The following ZBTB16 variants were observed in gnomAD, a reference collection of about 807,000 sequenced individuals.
The protein encoded by ZBTB16 is zinc finger and BTB domain-containing protein 16.
Under a neutral mutation model 56.8 loss-of-function variants are expected in ZBTB16, and 8 were observed. That is an observed-to-expected ratio of 0.14 (90% CI 0.08 to 0.25). The LOEUF (loss-of-function observed/expected upper bound fraction) is 0.25, where lower values mean the gene tolerates loss of function less well. ZBTB16 is among the 10% of genes least tolerant of loss of function. The probability of loss-of-function intolerance (pLI) is 1.00; values close to 1 mark genes in which losing one functional copy is unlikely to be tolerated. For missense variants in ZBTB16, 625 were observed against 903.0 expected, an observed-to-expected ratio of 0.69 and a Z score of 3.95; for synonymous variants, 363 against 368.5, an observed-to-expected ratio of 0.98 and a Z score of 0.17.
intron 4 of ZBTB16, among the ~76,000 whole-genome samples, chr11:114,213,385 T>G (rs2135134685): frequency 6.6e-6 from 1 of 152,348 alleles, no homozygotes; most frequent in South Asian, 2.1e-4. Flanking sequence ...CAAAGAATTT[T>G]CTTCTAAAGA....
At chr11:114,240,844 A>G (rs531999329) in intron 4 of ZBTB16, among the ~76,000 whole-genome samples, 2 of 152,338 alleles carry the variant, frequency 1.3e-5, no homozygotes, top group East Asian at 3.9e-4. Flanking sequence ...ATCACTCGCT[A>G]GCTTTCAATC....
chr11:114,248,837 A>G (rs1327311369), intron 6 of ZBTB16, among the ~76,000 whole-genome samples: 2 of 152,216 alleles, frequency 1.3e-5, no homozygotes, highest in African/African-American at 4.8e-5. Context: ...GTGACCTGGC[A>G]GGTGGATCAT....
intron 4 of ZBTB16, among the ~76,000 whole-genome samples, chr11:114,231,006 TC>T (rs1944434377): frequency 6.6e-6 from 1 of 152,014 alleles, no homozygotes; most frequent in Non-Finnish European, 1.5e-5. Context: ...TGGGTTTTTT[TC>T]CCCCAGAGAA....
At chr11:114,181,944 C>T (rs1272804737) in intron 3 of ZBTB16, among the ~76,000 whole-genome samples, 1 of 152,186 alleles carries the variant, frequency 6.6e-6, no homozygotes, top group African/African-American at 2.4e-5. Flanking sequence ...ACGTGGTGGC[C>T]TTGCTCTATG....
At chr11:114,062,616 G>C (rs924435613) in intron 1 of ZBTB16, among the ~76,000 whole-genome samples, 2 of 152,246 alleles carry the variant, frequency 1.3e-5, no homozygotes, top group Non-Finnish European at 2.9e-5. Flanking sequence ...CAGAGGCCAA[G>C]GCTGATGGTG....
chr11:114,156,415 G>A lies in ZBTB16; in HGVS notation c.1347G>A (p.Met449Ile). 1 of 1,614,246 alleles carries A rather than the reference G, an allele frequency of 6.2e-7. No homozygotes were observed. The highest frequency in any genetic ancestry group is 8.5e-7 in the Non-Finnish European group (1 of 1,180,032). The change falls in exon 3 of 7, where the codon ATG (methionine) becomes ATA (isoleucine). Residue 449 changes from methionine to isoleucine, a missense_variant. Physicochemically the swap from Met to Ile is conservative, Grantham distance 10. This residue lies in a region of ZBTB16 where 140 missense variants were observed against 214.8 expected (regional missense o/e 0.65). Coordinates refer to ENST00000335953, the MANE Select transcript of ZBTB16 (RefSeq NM_006006.6). ...TCCTGGATAGTTTGCGGCTGAGAAT[G>A]CACTTACTGGCTCATTCAGGTAGGC... ...KRFLDSLRLR[M>I]HLLAHSAGAK...
At chr11:114,148,445 C>CTCTCTTTCTTTCTTTCTTTCTTTCTT (rs763868689) in intron 2 of ZBTB16, among the ~76,000 whole-genome samples, 2 of 56,922 alleles carry the variant, frequency 3.5e-5, no homozygotes, top group Admixed American at 2.1e-4. Context: ...CTTTCTCTCT[C>CTCTCTTTCTTTCTTTCTTTCTTTCTT]TCTGTCTGTC....
rs1409058648 is a variant in ZBTB16, at chr11:114,081,227, A to G, written c.1268+16659A>G. Reference sequence around the variant, plus strand: ...TGAGGGATGCTGGGGGGTTTCTGGCATGGTGACTTGCCTCCTGGGACACTC... The same window carrying G: ...TGAGGGATGCTGGGGGGTTTCTGGCGTGGTGACTTGCCTCCTGGGACACTC... On this transcript the variant is annotated intron_variant, in intron 2 of 6. Coordinates refer to ENST00000335953, the MANE Select transcript of ZBTB16 (RefSeq NM_006006.6). Among the ~76,000 whole-genome samples the G allele has an allele frequency of 2.0e-5, 3 of 152,134 alleles. No individual in the cohort carries two copies. The East Asian group carries it at 5.8e-4, about 29-fold the overall frequency.
At chr11:114,181,496 T>G (rs1244611839) in intron 3 of ZBTB16, among the ~76,000 whole-genome samples, 1 of 152,240 alleles carries the variant, frequency 6.6e-6, no homozygotes, top group Non-Finnish European at 1.5e-5. Context: ...ACCAAGGACC[T>G]CTGCTATCCA....
chr11:114,147,774 C>T (rs1942147561), intron 2 of ZBTB16, among the ~76,000 whole-genome samples: 1 of 152,202 alleles, frequency 6.6e-6, no homozygotes, highest in African/African-American at 2.4e-5. Flanking sequence ...ACCTTGCTTA[C>T]ATCTGCCAGG....
chr11:114,247,211 C>T lies in ZBTB16; in HGVS notation c.1638C>T (p.Tyr546=), dbSNP rs776889462. 9.9e-6 allele frequency: 16 copies of T among 1,614,126 alleles called. No homozygotes were observed. The East Asian group carries it at 1.3e-4, about 13-fold the overall frequency. The part of the protein sequence containing the change: ...HLRSHTGDHP[Y]ECEFCGSCFR... ...TTGTCTCCACAGGCGACCACCCCTA[C>T]GAGTGTGAGTTCTGTGGCAGCTGCT... Residue 546 remains tyrosine (Y), a synonymous_variant, in exon 6 of 7, where the codon TAC becomes TAT. Coordinates refer to ENST00000335953, the MANE Select transcript of ZBTB16 (RefSeq NM_006006.6).
intron 4 of ZBTB16, among the ~76,000 whole-genome samples, chr11:114,191,886 G>T (rs1194820629): frequency 6.6e-6 from 1 of 152,214 alleles, no homozygotes; most frequent in African/African-American, 2.4e-5. Context: ...GGAGGGTTTT[G>T]ACTGGGAGAA....
chr11:114,091,471 C>T (rs754176935), intron 2 of ZBTB16, among the ~76,000 whole-genome samples: 11 of 152,048 alleles, frequency 7.2e-5, no homozygotes, highest in Non-Finnish European at 1.6e-4. Context: ...TGCTGGTGCT[C>T]GGTGGTCACC....
chr11:114,167,042 T>C (rs1004308011), intron 3 of ZBTB16, among the ~76,000 whole-genome samples: 9 of 152,154 alleles, frequency 5.9e-5, no homozygotes, highest in Admixed American at 3.3e-4. Flanking sequence ...AGCAGCATTC[T>C]GTGGGCAAAG....
intron 3 of ZBTB16, among the ~76,000 whole-genome samples, chr11:114,172,048 C>T (rs1372976530): frequency 1.3e-5 from 2 of 152,122 alleles, no homozygotes; most frequent in Admixed American, 1.3e-4. Context: ...GGTGAGTTTC[C>T]AGGCCTTGGA....
chr11:114,076,384 G>A (rs1252254544), intron 2 of ZBTB16, among the ~76,000 whole-genome samples: 2 of 152,176 alleles, frequency 1.3e-5, no homozygotes, highest in Non-Finnish European at 1.5e-5. Flanking sequence ...GCACGCTCAC[G>A]GAGGCAAGTT....
At chr11:114,153,680 C>CA (rs1316010663) in intron 2 of ZBTB16, among the ~76,000 whole-genome samples, 1 of 152,190 alleles carries the variant, frequency 6.6e-6, no homozygotes, top group Admixed American at 6.5e-5. Flanking sequence ...GCCTCAGTGT[C>CA]AGAGGACATC....
chr11:114,199,712 G>T (rs973847018), intron 4 of ZBTB16, among the ~76,000 whole-genome samples: 19 of 152,214 alleles, frequency 1.2e-4, no homozygotes, highest in Non-Finnish European at 2.5e-4. Context: ...GGGTTCTGTG[G>T]TTCCAAGGAC....
At chr11:114,160,728 A>G (rs886919000) in intron 3 of ZBTB16, among the ~76,000 whole-genome samples, 1 of 152,246 alleles carries the variant, frequency 6.6e-6, no homozygotes, top group African/African-American at 2.4e-5. Flanking sequence ...GTGTGAATTA[A>G]TCAAGTGTTT....
Sources: allele counts gnomAD v4.1 joint callset (sites outside exome capture counted in the v4.1 genomes callset), GRCh38; gene constraint gnomAD v4.1.1; regional missense constraint gnomAD v4.1.1; transcripts MANE v1.5; gene names NCBI Gene and HGNC (gene_info 2026-07-23, HGNC 2026-07-21).